CDK12: variants seen among roughly 807,000 people sequenced by gnomAD.
CDK12 encodes cyclin dependent kinase 12.
A neutral mutation model predicts 133.8 loss-of-function variants in CDK12; 17 were observed. The ratio of observed to expected loss-of-function variants is 0.13; its 90% CI spans 0.09 to 0.19. The LOEUF (loss-of-function observed/expected upper bound fraction) is 0.19, where lower values mean the gene tolerates loss of function less well. Among genes scored for constraint, CDK12 ranks in the 10% least tolerant of loss-of-function variants. The pLI, the probability that CDK12 is intolerant of heterozygous loss-of-function variation, is 1.00. For missense variants in CDK12, 1,508 were observed against 1,818.7 expected, an observed-to-expected ratio of 0.83 and a Z score of 3.11; for synonymous variants, 694 against 683.6, an observed-to-expected ratio of 1.02 and a Z score of -0.24.
At chr17:39,486,831 A>G (rs1598008839) in intron 2 of CDK12, among the ~76,000 whole-genome samples, 1 of 151,890 alleles carries the variant, frequency 6.6e-6, no homozygotes, top group African/African-American at 2.4e-5. Flanking sequence ...ATATGGTGAA[A>G]CCCCATCTCT....
rs759709034 is a variant in CDK12, at chr17:39,462,532, C to G, written c.461C>G (p.Ser154Trp). The change falls in exon 1 of 14, where the codon TCG becomes TGG. Residue 154 changes from serine to tryptophan, a missense_variant. Ser to Trp is a radical substitution (Grantham distance 177). Coordinates refer to ENST00000447079, the MANE Select transcript of CDK12 (RefSeq NM_016507.4). ...KDRISGSSKRSNEETDDYGKA... is the reference protein window; with the variant it reads ...KDRISGSSKRWNEETDDYGKA... ...CGGATATCGGGAAGTTCAAAGCGTT[C>G]GAATGAGGAGACTGATGACTATGGG... is the stretch of plus-strand genomic sequence containing the variant. The G allele has an allele frequency of 6.2e-7, 1 of 1,614,102 alleles. No homozygotes were observed. The highest frequency in any genetic ancestry group is 8.5e-7 in the Non-Finnish European group (1 of 1,180,022).
In CDK12 at chr17:39,520,081, C is replaced by T; in HGVS notation, c.3089C>T (p.Pro1030Leu). 3 of 1,613,990 alleles carry T rather than the reference C, an allele frequency of 1.9e-6. No homozygotes were observed. Among genetic ancestry groups the T allele is most frequent in the Non-Finnish European group, 8.5e-7 (1 of 1,179,942 alleles). ...LKDVELSKMA[P>L]PDLPHWQDCH... is the part of the protein sequence containing the mutation. ...GATGTCGAACTCAGCAAAATGGCTC[C>T]TCCAGAGTAAGTGCTGGTAGCCATG... is the stretch of plus-strand genomic sequence containing the variant. Residue 1030 changes from proline (P) to leucine (L), a missense_variant, in exon 11 of 14, where the codon CCT becomes CTT. Pro to Leu is a moderately conservative substitution (Grantham distance 98). Coordinates refer to ENST00000447079, the MANE Select transcript of CDK12 (RefSeq NM_016507.4).
intron 2 of CDK12, among the ~76,000 whole-genome samples, chr17:39,489,424 T>TC (rs1787146927): frequency 6.6e-6 from 1 of 151,606 alleles, no homozygotes; most frequent in Admixed American, 6.6e-5. Context: ...AGGCTGATCT[T>TC]CAACTCTTGA....
In CDK12 at chr17:39,471,426, A is replaced by G; in HGVS notation, c.1594A>G (p.Ile532Val). 1.2e-6 allele frequency: 2 copies of G among 1,613,356 alleles called. No individual in the cohort carries two copies. The highest frequency in any genetic ancestry group is 1.7e-5 in the Admixed American group (1 of 59,920). Reference sequence around the variant, plus strand: ...GGAGACCCCTCCACCTCTTCCCACAATTGCTTCTCCCCCACCCCCTCTACC... The same window carrying G: ...GGAGACCCCTCCACCTCTTCCCACAGTTGCTTCTCCCCCACCCCCTCTACC... Reference protein sequence around the residue: ...EKETPPPLPTIASPPPPLPTT... With the variant: ...EKETPPPLPTVASPPPPLPTT... The change falls in exon 2 of 14, where the codon ATT becomes GTT. Residue 532 changes from isoleucine to valine, a missense_variant. Ile to Val is a conservative substitution (Grantham distance 29, BLOSUM62 3). Transcript: ENST00000447079.
intron 1 of CDK12, among the ~76,000 whole-genome samples, chr17:39,467,727 C>T (rs767679751): frequency 3.9e-5 from 6 of 152,042 alleles, no homozygotes; most frequent in Non-Finnish European, 8.8e-5. Flanking sequence ...AGCTGTATTT[C>T]AAGCAGAGAA....
At chr17:39,515,086 G>T (rs2053717327) in intron 8 of CDK12, among the ~76,000 whole-genome samples, 1 of 152,156 alleles carries the variant, frequency 6.6e-6, no homozygotes, top group African/African-American at 2.4e-5. Context: ...GGTGGTGCAT[G>T]CCTGTAGTCC....
intron 1 of CDK12, among the ~76,000 whole-genome samples, chr17:39,470,052 A>G (rs965135215): frequency 1.3e-5 from 2 of 152,058 alleles, no homozygotes; most frequent in African/African-American, 4.8e-5. Flanking sequence ...ATAGTGACCC[A>G]TCTTTTTTCA....
In CDK12 at chr17:39,551,730, A is replaced by G. The variant is rs117328130; in HGVS notation, n.356+588A>G. 7.5e-4 allele frequency among the ~76,000 whole-genome samples: 114 copies of G among 152,164 alleles called. 1 individual carries two copies. In the East Asian group the frequency reaches 0.019, roughly 26 times the overall value. The stretch of plus-strand genomic sequence containing the variant: ...TCTGACTCTTGTAGTGTTGATGTAC[A>G]CTGGAGAAAGGGGCAAGTTTCCAGC... On this transcript the variant is annotated intron_variant and non_coding_transcript_variant, in intron 2 of 3. Transcript: ENST00000558240.
intron 3 of CDK12, among the ~76,000 whole-genome samples, chr17:39,560,594 CA>C (rs2056337759): frequency 6.6e-6 from 1 of 152,222 alleles, no homozygotes; most frequent in African/African-American, 2.4e-5. Flanking sequence ...GGCCTTTCTA[CA>C]CTTCACTAAG....
chr17:39,498,799 A>G (rs770887602), intron 5 of CDK12, among the ~76,000 whole-genome samples: 5 of 152,100 alleles, frequency 3.3e-5, no homozygotes, highest in Non-Finnish European at 7.4e-5. Flanking sequence ...TGTGGGGATT[A>G]CAGGCATGAG....
At chr17:39,564,247 GCT>G (rs961394116) in intron 3 of CDK12, among the ~76,000 whole-genome samples, 2 of 152,138 alleles carry the variant, frequency 1.3e-5, no homozygotes, top group African/African-American at 4.8e-5. Context: ...CTTTCTATGG[GCT>G]CTCTCCCTCA....
At chr17:39,528,957 T>C (rs2054656651) in intron 13 of CDK12, among the ~76,000 whole-genome samples, 1 of 152,214 alleles carries the variant, frequency 6.6e-6, no homozygotes, top group Admixed American at 6.5e-5. Context: ...TTACTTGTAG[T>C]CCAGTTTGCC....
chr17:39,509,488 T>A (rs971145900), intron 6 of CDK12, among the ~76,000 whole-genome samples: 2 of 152,046 alleles, frequency 1.3e-5, no homozygotes, highest in Non-Finnish European at 2.9e-5. Context: ...TCAAAAAAGG[T>A]TTAATTAGGG....
chr17:39,522,866 A>G (rs2054266260), intron 11 of CDK12, among the ~76,000 whole-genome samples: 1 of 151,784 alleles, frequency 6.6e-6, no homozygotes, highest in African/African-American at 2.4e-5. Flanking sequence ...AGCCTGGCCA[A>G]CATGGTAAAA....
intron 2 of CDK12, among the ~76,000 whole-genome samples, chr17:39,485,513 G>A (rs2051052601): frequency 1.3e-5 from 2 of 150,192 alleles, no homozygotes; most frequent in African/African-American, 4.9e-5. Flanking sequence ...CCGGGTTCAG[G>A]TGATTCCCCT....
intron 2 of CDK12, among the ~76,000 whole-genome samples, chr17:39,483,543 C>CA (rs1259471041): frequency 1.3e-5 from 2 of 152,042 alleles, no homozygotes; most frequent in Non-Finnish European, 2.9e-5. Context: ...GGATTACAGG[C>CA]ATGAGCCACC....
Position 39,462,241 on chromosome 17 carries a change from C to T in CDK12, c.170C>T (p.Thr57Ile), listed in dbSNP as rs2144853983. 1.2e-6 allele frequency: 2 copies of T among 1,614,168 alleles called. No homozygotes were observed. Among genetic ancestry groups the T allele is most frequent in the Non-Finnish European group, 1.7e-6 (2 of 1,180,040 alleles). Residue 57 changes from threonine to isoleucine, a missense_variant, in exon 1 of 14, where the codon ACC becomes ATC. By Grantham distance (89) the Thr-to-Ile change is moderately conservative (BLOSUM62 -1). Transcript: ENST00000447079. The stretch of plus-strand genomic sequence containing the variant: ...CACTCCAAAGACATGGGGTTGGTGA[C>T]CCCCGAAGCAGCATCCCTGGGCACA... ...SKHSKDMGLV[T>I]PEAASLGTVI...
At chr17:39,564,960 G>GGATAT (rs1248100431), downstream of CDK12, 4 of 152,206 alleles carry the variant, frequency 2.6e-5, no homozygotes, top group African/African-American at 9.7e-5. Flanking sequence ...TGCGGGAAGG[G>GGATAT]GATATCCACA....
chr17:39,526,379 C>T, intron 13 of CDK12, 63 bp downstream of exon 13: 5 of 1,312,920 alleles, frequency 3.8e-6, no homozygotes, highest in Non-Finnish European at 5.1e-6. Flanking sequence ...TTAAAAATCT[C>T]TTAACATTTT....
Sources: gnomAD v4.1 joint callset for allele counts (sites outside exome capture counted in the v4.1 genomes callset) on GRCh38, gnomAD v4.1.1 for gene constraint, MANE v1.5 for transcripts, NCBI Gene and HGNC (gene_info 2026-07-23, HGNC 2026-07-21) for gene names.